HSPA12A: variants seen among roughly 807,000 people sequenced by gnomAD.
HSPA12A encodes heat shock 70 kDa protein 12A.
A neutral mutation model predicts 69.2 loss-of-function variants in HSPA12A; 28 were observed. The observed-to-expected ratio is 0.40, with a 90% CI of 0.30 to 0.55. The LOEUF (loss-of-function observed/expected upper bound fraction) is 0.55, where lower values mean the gene tolerates loss of function less well. Ranked by LOEUF, HSPA12A falls within the 20% of genes least tolerant of loss-of-function variation. The pLI is 0.38. For missense variants in HSPA12A, 686 were observed against 900.7 expected, an observed-to-expected ratio of 0.76 and a Z score of 3.05; for synonymous variants, 345 against 370.5, an observed-to-expected ratio of 0.93 and a Z score of 0.79.
At chr10:116,849,041 G>A (rs575275696) in intron 1 of HSPA12A, among the ~76,000 whole-genome samples, 1 of 152,316 alleles carries the variant, frequency 6.6e-6, no homozygotes, top group Non-Finnish European at 1.5e-5. Context: ...CAGTAAGGAT[G>A]CCCTGAGCCC....
Position 116,710,393 on chromosome 10 carries a change from A to G in HSPA12A, c.41-3108T>C, listed in dbSNP as rs1208150385. 6.6e-6 allele frequency among the ~76,000 whole-genome samples: 1 copy of G among 152,050 alleles called. No individual in the cohort carries two copies. The highest frequency in any genetic ancestry group is 2.1e-4 in the South Asian group (1 of 4,804). On this transcript the variant is annotated intron_variant, in intron 1 of 11. Coordinates refer to ENST00000369209, the MANE Select transcript of HSPA12A (RefSeq NM_025015.3). The surrounding 1 kb of genome is among the most constrained non-coding windows in gnomAD (Gnocchi z 4.1). ...GCTGCTTGGTCCTAATTATCCCATC[A>G]CTCAGCCCTTCTCAGAGCCCTGGGT... is the stretch of plus-strand genomic sequence containing the variant.
chr10:116,681,774 A>C lies in HSPA12A; in HGVS notation c.922+17T>G. The C allele has an allele frequency of 6.2e-7, 1 of 1,606,550 alleles. No individual in the cohort carries two copies. The highest frequency in any genetic ancestry group is 8.5e-7 in the Non-Finnish European group (1 of 1,173,114). On this transcript the variant is annotated intron_variant, in intron 8 of 11. Transcript: ENST00000369209. The stretch of plus-strand genomic sequence containing the variant: ...CAGGAAAATCCAGCAAGAGCAAAGG[A>C]CATTGAAGGACGCTACCTTCCTCCA...
At chr10:116,679,408 G>A in intron 10 of HSPA12A, 95 bp downstream of exon 10, 7 of 1,486,544 alleles carry the variant, frequency 4.7e-6, no homozygotes, top group South Asian at 1.3e-5. Flanking sequence ...AAGTGTGTAG[G>A]ATTGGAACCC....
intron 2 of HSPA12A, among the ~76,000 whole-genome samples, chr10:116,775,465 A>G (rs782582217): frequency 1.2e-4 from 18 of 152,118 alleles, no homozygotes; most frequent in African/African-American, 3.9e-4. Flanking sequence ...GAAATGGCCA[A>G]TGTATTTTCT....
At chr10:116,771,770 C>T (rs1215557115) in intron 2 of HSPA12A, among the ~76,000 whole-genome samples, 5 of 148,648 alleles carry the variant, frequency 3.4e-5, no homozygotes, top group African/African-American at 5.1e-5. Flanking sequence ...TACAAGGGGC[C>T]CAGATAGAAA....
intron 6 of HSPA12A, 30 bp from the exon 7 acceptor site, chr10:116,683,992 A>C (rs1554879147): frequency 1.3e-6 from 2 of 1,528,282 alleles, no homozygotes; most frequent in East Asian, 2.3e-5. Flanking sequence ...GCTGGGACCC[A>C]GGGCCCCCTG....
At chr10:116,736,822 C>T (rs1418695764) in intron 1 of HSPA12A, among the ~76,000 whole-genome samples, 1 of 152,100 alleles carries the variant, frequency 6.6e-6, no homozygotes, top group African/African-American at 2.4e-5. Flanking sequence ...TTCCTGACTT[C>T]CAGAAATGTA....
chr10:116,734,501 A>G (rs2133054466), intron 1 of HSPA12A, among the ~76,000 whole-genome samples: 1 of 151,128 alleles, frequency 6.6e-6, no homozygotes, highest in African/African-American at 2.4e-5. Flanking sequence ...CCACACACCC[A>G]TACCCATCAT....
intron 1 of HSPA12A, among the ~76,000 whole-genome samples, chr10:116,735,525 T>C (rs1465119087): frequency 6.6e-6 from 1 of 152,032 alleles, no homozygotes; most frequent in Non-Finnish European, 1.5e-5. Flanking sequence ...TAAAAGACCA[T>C]GTGGAGAACG....
At chr10:116,682,235 G>C (rs1348452670) in intron 7 of HSPA12A, among the ~76,000 whole-genome samples, 2 of 152,172 alleles carry the variant, frequency 1.3e-5, no homozygotes, top group Non-Finnish European at 2.9e-5. Context: ...TCCAACTTGG[G>C]TGACAGAGCG....
chr10:116,678,531 G>A (rs1463299448), intron 10 of HSPA12A, among the ~76,000 whole-genome samples: 2 of 150,728 alleles, frequency 1.3e-5, no homozygotes, highest in African/African-American at 4.9e-5. Context: ...TGGGACTCGA[G>A]GGGCGTATCA....
At chr10:116,799,510 C>G (rs144240762) in intron 2 of HSPA12A, among the ~76,000 whole-genome samples, 2 of 152,180 alleles carry the variant, frequency 1.3e-5, no homozygotes, top group Admixed American at 1.3e-4. Flanking sequence ...CACACGCACA[C>G]GCACACTCAT....
At chr10:116,814,986 A>C (rs1046316263) in intron 2 of HSPA12A, among the ~76,000 whole-genome samples, 2 of 152,130 alleles carry the variant, frequency 1.3e-5, no homozygotes, top group African/African-American at 4.8e-5. Context: ...CTTTTCAGTA[A>C]ACTGGGATAA....
rs538913400 is a variant in HSPA12A, at chr10:116,739,032, C to T, written c.40+3398G>A. Among the ~76,000 whole-genome samples, 15 of 152,334 alleles carry T rather than the reference C, an allele frequency of 9.8e-5. No individual in the cohort carries two copies. The Middle Eastern group carries it at 0.01, about 104-fold the overall frequency. ...TACTTCCTTTGGGGGCTATAACCAG[C>T]GCCCTGTCACTACCATCTACAGCTT... is the stretch of plus-strand genomic sequence containing the variant. On this transcript the variant is annotated intron_variant, in intron 1 of 11. Transcript: ENST00000369209.
chr10:116,712,314 G>A (rs1850459665), intron 1 of HSPA12A, among the ~76,000 whole-genome samples: 1 of 152,104 alleles, frequency 6.6e-6, no homozygotes, highest in Non-Finnish European at 1.5e-5. Context: ...CCAGAAAGAG[G>A]GGTATATAAA....
chr10:116,828,781 A>G (rs1845558212), intron 2 of HSPA12A: 1 of 152,236 alleles, frequency 6.6e-6, no homozygotes, highest in Admixed American at 6.5e-5. Context: ...AATTACTTTT[A>G]TGTACACAAC....
chr10:116,784,549 GGAATGAATGAAT>G (rs367679769), intron 2 of HSPA12A, among the ~76,000 whole-genome samples: 1 of 152,170 alleles, frequency 6.6e-6, no homozygotes, highest in South Asian at 2.1e-4. Context: ...GTTTGTTGAG[GGAATGAATGAAT>G]GAATGAATGG....
At chr10:116,817,942 C>T (rs1365957793) in intron 2 of HSPA12A, among the ~76,000 whole-genome samples, 5 of 152,214 alleles carry the variant, frequency 3.3e-5, no homozygotes, top group African/African-American at 4.8e-5. Flanking sequence ...TCCAATTAGG[C>T]GCCGATTCCT....
At chr10:116,696,591 T>C (rs1849911923) in intron 5 of HSPA12A, among the ~76,000 whole-genome samples, 1 of 152,158 alleles carries the variant, frequency 6.6e-6, no homozygotes, top group Non-Finnish European at 1.5e-5. Flanking sequence ...GGTACGTCTT[T>C]ATTAGCAGCA....
Sources: allele counts gnomAD v4.1 joint callset (sites outside exome capture counted in the v4.1 genomes callset), GRCh38; gene constraint gnomAD v4.1.1; non-coding constraint Gnocchi (gnomAD v3.1); transcripts MANE v1.5; gene names NCBI Gene and HGNC (gene_info 2026-07-23, HGNC 2026-07-21).